NKAIN2: variants seen among roughly 807,000 people sequenced by gnomAD.
NKAIN2 encodes the protein sodium/potassium transporting ATPase interacting 2.
In NKAIN2, 14 loss-of-function variants were observed where a neutral mutation model predicts 32.6. That is an observed-to-expected ratio of 0.43 (90% CI 0.28 to 0.67). NKAIN2 has a LOEUF of 0.67. Ranked by LOEUF, NKAIN2 falls within the 30% of genes least tolerant of loss-of-function variation. The probability of loss-of-function intolerance (pLI) is 0.17; values close to 1 mark genes in which losing one functional copy is unlikely to be tolerated. For synonymous variants in NKAIN2, 80 were observed against 87.2 expected (o/e 0.92, Z 0.46); for missense variants, 198 against 258.3 (o/e 0.77, Z 1.60).
intron 1 of NKAIN2, among the ~76,000 whole-genome samples, chr6:123,973,904 C>T (rs1000796973): frequency 2.0e-4 from 31 of 151,776 alleles, no homozygotes; most frequent in Admixed American, 9.8e-4. Context: ...TTTGTTCCAA[C>T]GTAAAACAAA....
intron 1 of NKAIN2, among the ~76,000 whole-genome samples, chr6:124,213,337 A>T (rs1791286224): frequency 2.0e-5 from 3 of 152,268 alleles, no homozygotes; most frequent in South Asian, 4.1e-4. Flanking sequence ...TAAATAAATG[A>T]GCTGTGTTAA....
At chr6:124,357,381 A>T (rs940756530) in intron 3 of NKAIN2, among the ~76,000 whole-genome samples, 5 of 152,188 alleles carry the variant, frequency 3.3e-5, no homozygotes, top group Non-Finnish European at 7.3e-5. Flanking sequence ...ACTGCCTCAC[A>T]TTCTTCAGGT....
At chr6:123,943,505 C>T (rs1250833477) in intron 1 of NKAIN2, among the ~76,000 whole-genome samples, 2 of 151,992 alleles carry the variant, frequency 1.3e-5, no homozygotes, top group Non-Finnish European at 2.9e-5. Flanking sequence ...TTGGCATAGG[C>T]AATCTTGGAT....
chr6:123,871,536 A>G (rs116233489), intron 1 of NKAIN2, among the ~76,000 whole-genome samples: 1,531 of 152,144 alleles, frequency 0.01, 26 homozygotes, highest in African/African-American at 0.035. Flanking sequence ...TATCCCATAT[A>G]TTTCTTATTC....
intron 3 of NKAIN2, among the ~76,000 whole-genome samples, chr6:124,435,783 T>G (rs974171873): frequency 2.6e-5 from 4 of 152,200 alleles, no homozygotes; most frequent in African/African-American, 7.2e-5. Context: ...TCTCAAATGC[T>G]TCTTTCTTAG....
intron 3 of NKAIN2, among the ~76,000 whole-genome samples, chr6:124,466,750 GAA>G (rs5879737): frequency 0.029 from 4,212 of 143,844 alleles, 71 homozygotes; most frequent in Non-Finnish European, 0.036. Context: ...AGTAAAAAAA[GAA>G]AAAAAAAAAA....
chr6:124,621,161 G>A (rs149980046), intron 3 of NKAIN2, among the ~76,000 whole-genome samples: 1 of 152,282 alleles, frequency 6.6e-6, no homozygotes, highest in South Asian at 2.1e-4. Context: ...TAACAAAGCT[G>A]TTTAGGTAAT....
At chr6:124,744,668 A>G (rs923063423) in intron 4 of NKAIN2, among the ~76,000 whole-genome samples, 4 of 151,552 alleles carry the variant, frequency 2.6e-5, no homozygotes, top group Non-Finnish European at 5.9e-5. Flanking sequence ...CATCTATTCT[A>G]TTTTGCGTAT....
rs566679124 is a variant in NKAIN2 at position 124,113,032 on chromosome 6, G to A, written c.55-169973G>A. ...ATTTCATTAGGGTTGATTTCTGGAAGTTTATCTTGTTCCTTTTTTTGGAGC... is the reference window on the plus strand; with the variant it reads ...ATTTCATTAGGGTTGATTTCTGGAAATTTATCTTGTTCCTTTTTTTGGAGC... On this transcript the variant is annotated intron_variant, in intron 1 of 6. Coordinates refer to ENST00000368417, the MANE Select transcript of NKAIN2 (RefSeq NM_001040214.3). Among the ~76,000 whole-genome samples, 14 of 152,104 alleles carry A rather than the reference G, an allele frequency of 9.2e-5. 1 individual carries two copies. In the South Asian group the frequency reaches 2.5e-3, roughly 27 times the overall value.
chr6:123,882,557 T>G (rs1773502380), intron 1 of NKAIN2, among the ~76,000 whole-genome samples: 1 of 152,232 alleles, frequency 6.6e-6, no homozygotes, highest in African/African-American at 2.4e-5. Context: ...TTATTTAAAT[T>G]GAATTTATAT....
chr6:124,736,191 C>T (rs1037701487), intron 4 of NKAIN2, among the ~76,000 whole-genome samples: 15 of 151,902 alleles, frequency 9.9e-5, no homozygotes, highest in South Asian at 2.1e-4. Flanking sequence ...TAGATCAAAA[C>T]AGCCACAAAA....
chr6:124,607,600 A>G (rs979998341), intron 3 of NKAIN2, among the ~76,000 whole-genome samples: 2 of 152,170 alleles, frequency 1.3e-5, no homozygotes, highest in East Asian at 1.9e-4. Flanking sequence ...AACAATATCT[A>G]TGATATTCAC....
chr6:123,917,534 CA>C (rs1224990446), intron 1 of NKAIN2, among the ~76,000 whole-genome samples: 1 of 152,146 alleles, frequency 6.6e-6, no homozygotes, highest in African/African-American at 2.4e-5. Flanking sequence ...TATGTCGTAG[CA>C]ATGTATAGCC....
intron 2 of NKAIN2, among the ~76,000 whole-genome samples, chr6:124,318,776 G>A (rs1232972556): frequency 2.0e-5 from 3 of 151,896 alleles, no homozygotes; most frequent in Non-Finnish European, 4.4e-5. Flanking sequence ...GGAACACATA[G>A]TTTAGTTCTC....
chr6:124,403,592 A>G lies in NKAIN2; in HGVS notation c.273+48245A>G, dbSNP rs138515218. On this transcript the variant is annotated intron_variant, in intron 3 of 6. Coordinates refer to ENST00000368417, the MANE Select transcript of NKAIN2 (RefSeq NM_001040214.3). ...TTTCTGAGCAATTTTTTATTCAACA[A>G]TTATTTAATGGGCATCCACTATGTG... 5.7e-4 allele frequency among the ~76,000 whole-genome samples: 87 copies of G among 152,320 alleles called. 1 individual carries two copies. The East Asian group carries it at 6.8e-3, about 12-fold the overall frequency.
At chr6:124,798,184 G>A (rs1032089152) in intron 5 of NKAIN2, among the ~76,000 whole-genome samples, 49 of 151,742 alleles carry the variant, frequency 3.2e-4, no homozygotes, top group African/African-American at 9.9e-4. Context: ...TTTCTTTCAC[G>A]TTTATAAATC....
At chr6:124,180,882 C>T (rs566676129) in intron 1 of NKAIN2, among the ~76,000 whole-genome samples, 11 of 152,030 alleles carry the variant, frequency 7.2e-5, no homozygotes, top group African/African-American at 1.7e-4. Context: ...GATCTACTAT[C>T]GTGGGGTCTG....
intron 1 of NKAIN2, among the ~76,000 whole-genome samples, chr6:124,018,691 A>G (rs956855816): frequency 6.6e-6 from 1 of 152,164 alleles, no homozygotes; most frequent in Non-Finnish European, 1.5e-5. Flanking sequence ...CCTGGAGTTC[A>G]TTGTCCATAT....
chr6:124,413,319 T>C (rs1026781152), intron 3 of NKAIN2, among the ~76,000 whole-genome samples: 2 of 152,202 alleles, frequency 1.3e-5, no homozygotes, highest in African/African-American at 4.8e-5. Context: ...TTTTCAATTG[T>C]TGTGGCACCG....
Sources: allele counts gnomAD v4.1 joint callset (sites outside exome capture counted in the v4.1 genomes callset), GRCh38; gene constraint gnomAD v4.1.1; transcripts MANE v1.5; gene names NCBI Gene and HGNC (gene_info 2026-07-23, HGNC 2026-07-21).